The following NDUFAF1 variants were observed in gnomAD, a reference collection of about 807,000 sequenced individuals.
NDUFAF1 encodes the protein complex I intermediate-associated protein 30, mitochondrial.
In NDUFAF1, 18 loss-of-function variants were observed where a neutral mutation model predicts 28.7. The observed-to-expected ratio is 0.63, with a 90% CI of 0.43 to 0.93. The LOEUF (loss-of-function observed/expected upper bound fraction) is 0.93. Ranked by LOEUF, NDUFAF1 falls within the 40% of genes least tolerant of loss-of-function variation. NDUFAF1 has a pLI of 0.00. For synonymous variants in NDUFAF1, 113 were observed against 139.7 expected, an observed-to-expected ratio of 0.81 and a Z score of 1.35; for missense variants, 404 against 398.3, an observed-to-expected ratio of 1.01 and a Z score of -0.12.
Position 41,396,909 on chromosome 15 carries a change from A to G in NDUFAF1, c.151T>C (p.Ser51Pro). ...AAATCCCCTTCAGTCTTCCTCTGTG[A>G]GGAGGCTTTGCCAGGAGAAGCCACT... ...KPVASPGKAS[S>P]QRKTEGDLQG... Residue 51 changes from serine to proline, a missense_variant, in exon 2 of 5, where the codon TCA becomes CCA. Coordinates refer to ENST00000260361, the MANE Select transcript of NDUFAF1 (RefSeq NM_016013.4). The G allele has an allele frequency of 6.2e-7, 1 of 1,614,148 alleles. No homozygotes were observed. The highest frequency in any genetic ancestry group is 8.5e-7 in the Non-Finnish European group (1 of 1,180,024).
At chr15:41,396,232 C>G (rs946209037) in intron 2 of NDUFAF1, among the ~76,000 whole-genome samples, 3 of 152,068 alleles carry the variant, frequency 2.0e-5, no homozygotes, top group Non-Finnish European at 2.9e-5. Context: ...ATTCCTGAAA[C>G]ATAACAATGC....
At chr15:41,387,732 C>T in intron 4 of NDUFAF1, 139 bp from the exon 5 acceptor site, 1 of 677,418 alleles carries the variant, frequency 1.5e-6, no homozygotes, top group South Asian at 1.8e-5. Context: ...TACTAATTCT[C>T]CCATAGCATA....
chr15:41,387,353 T>A lies in NDUFAF1; in HGVS notation c.*91A>T, dbSNP rs181729441. The A allele has an allele frequency of 1.1e-5, 14 of 1,258,602 alleles. No homozygotes were observed. The African/African-American group carries it at 2.1e-4, about 19-fold the overall frequency. 78.0% of individuals were successfully genotyped at this position (1,258,602 alleles called of 1,614,324 possible). On this transcript the variant is annotated 3_prime_UTR_variant, in exon 5 of 5. Transcript: ENST00000260361. ...AGAGAGAATACATACTAGCCATTGG[T>A]TGGATGCCATTAAAGAAATATTTTA...
intron 2 of NDUFAF1, among the ~76,000 whole-genome samples, 195 bp from the exon 3 acceptor site, chr15:41,395,239 G>C (rs937950680): frequency 2.0e-5 from 3 of 152,084 alleles, no homozygotes; most frequent in Admixed American, 2.0e-4. Flanking sequence ...CTAAGGTAAT[G>C]TTCAACACAC....
chr15:41,387,643 G>A (rs1283947052), intron 4 of NDUFAF1, 50 bp from the exon 5 acceptor site: 2 of 1,482,500 alleles, frequency 1.3e-6, no homozygotes, highest in African/African-American at 1.4e-5. Flanking sequence ...GTGACGTACT[G>A]AGATTATTCC....
At chr15:41,403,017 AC>A (rs2050486087), upstream of NDUFAF1, among the ~76,000 whole-genome samples, 1 of 151,788 alleles carries the variant, frequency 6.6e-6, no homozygotes, top group South Asian at 2.1e-4. Context: ...GGCGCGAGCC[AC>A]CAAGCCCGGC....
chr15:41,390,542 G>A (rs993844689), intron 3 of NDUFAF1, among the ~76,000 whole-genome samples: 5 of 151,604 alleles, frequency 3.3e-5, no homozygotes, highest in Admixed American at 2.0e-4. Flanking sequence ...TGGCTAACAC[G>A]GCGAAACCCC....
chr15:41,394,128 A>G (rs1433777052), intron 3 of NDUFAF1: 1 of 402,168 alleles, frequency 2.5e-6, no homozygotes, highest in East Asian at 7.5e-5. Flanking sequence ...TCCTGGGTTC[A>G]AGCAATTATC....
At chr15:41,401,222 C>A (rs139301622) in intron 1 of NDUFAF1, among the ~76,000 whole-genome samples, 1 of 151,008 alleles carries the variant, frequency 6.6e-6, no homozygotes. Flanking sequence ...CCTACATGGG[C>A]CTCCTAAAGT....
intron 1 of NDUFAF1, 108 bp downstream of exon 1, chr15:41,402,036 T>G: frequency 4.1e-6 from 1 of 246,758 alleles, no homozygotes; most frequent in South Asian, 4.1e-5. Context: ...AAACAGAAAA[T>G]CTAAACTATT....
rs149258345 is a variant in NDUFAF1, at chr15:41,395,572, G to A, written c.574-528C>T. Among the ~76,000 whole-genome samples, 729 of 149,954 alleles carry A rather than the reference G, an allele frequency of 4.9e-3. 5 individuals carry two copies. Among genetic ancestry groups the A allele is most frequent in the African/African-American group, 0.016 (665 of 40,800 alleles). ...TTTTTAGTAGAGACGGGGTTTCACC[G>A]TGTTAGCCAGGATGGTCTCGATCTC... On this transcript the variant is annotated intron_variant, in intron 2 of 4. Transcript: ENST00000260361.
chr15:41,395,140 AC>A, intron 2 of NDUFAF1, 96 bp from the exon 3 acceptor site: 1 of 1,165,484 alleles, frequency 8.6e-7, no homozygotes, highest in Non-Finnish European at 1.3e-6. Context: ...GGATGCACTA[AC>A]CATTTTTCTG....
At chr15:41,401,792 A>C (rs1205948600) in intron 1 of NDUFAF1, among the ~76,000 whole-genome samples, 1 of 152,176 alleles carries the variant, frequency 6.6e-6, no homozygotes, top group African/African-American at 2.4e-5. Flanking sequence ...CATGTATTAT[A>C]AACGTTAAGG....
intron 1 of NDUFAF1, among the ~76,000 whole-genome samples, chr15:41,398,827 C>T (rs375475792): frequency 4.0e-5 from 6 of 151,688 alleles, no homozygotes; most frequent in African/African-American, 1.2e-4. Flanking sequence ...TGTTGGAGAG[C>T]GCCTGTAATC....
upstream of NDUFAF1, among the ~76,000 whole-genome samples, chr15:41,402,817 T>C (rs1389509369): frequency 6.8e-6 from 1 of 147,670 alleles, no homozygotes. Context: ...CTACAACCTC[T>C]GCCTCCCAGA....
intron 2 of NDUFAF1, 76 bp downstream of exon 2, chr15:41,396,411 C>A: frequency 7.0e-7 from 1 of 1,421,128 alleles, no homozygotes; most frequent in Non-Finnish European, 9.8e-7. Flanking sequence ...GAAACAAAAG[C>A]TATCTTCTAT....
intron 1 of NDUFAF1, among the ~76,000 whole-genome samples, chr15:41,401,704 G>C (rs1566828157): frequency 1.3e-5 from 2 of 152,138 alleles, no homozygotes; most frequent in African/African-American, 4.8e-5. Context: ...GGGATTACAG[G>C]CGTGAGCCAC....
intron 1 of NDUFAF1, among the ~76,000 whole-genome samples, chr15:41,397,436 A>G (rs1385787365): frequency 1.3e-5 from 2 of 151,956 alleles, no homozygotes; most frequent in Non-Finnish European, 2.9e-5. Flanking sequence ...TTTTTGTAGA[A>G]ATGGATCTCC....
chr15:41,388,397 G>C (rs761755490), intron 4 of NDUFAF1, 51 bp downstream of exon 4: 1 of 1,389,318 alleles, frequency 7.2e-7, no homozygotes, highest in Admixed American at 1.7e-5. Flanking sequence ...CCAGAGTTCC[G>C]ATTCATTAAA....
Sources: gnomAD v4.1 joint callset for allele counts (sites outside exome capture counted in the v4.1 genomes callset) on GRCh38, gnomAD v4.1.1 for gene constraint, MANE v1.5 for transcripts, NCBI Gene and HGNC (gene_info 2026-07-23, HGNC 2026-07-21) for gene names.